EDA: variants seen among roughly 807,000 people sequenced by gnomAD.
The protein encoded by EDA is ectodysplasin-A.
Under a neutral mutation model 23.6 loss-of-function variants are expected in EDA, and 2 were observed. The observed-to-expected ratio is 0.08, with a 90% CI of 0.03 to 0.27. The LOEUF (loss-of-function observed/expected upper bound fraction) is 0.27, where lower values mean the gene tolerates loss of function less well. EDA is among the 10% of genes least tolerant of loss of function. The pLI, the probability that EDA is intolerant of heterozygous loss-of-function variation, is 1.00. For synonymous variants in EDA, 131 were observed against 132.0 expected (o/e 0.99, Z 0.05); for missense variants, 229 against 324.2 (o/e 0.71, Z 2.26).
At chrX:69,828,697 T>C (rs2016529726) in intron 1 of EDA, among the ~76,000 whole-genome samples, 1 of 112,456 alleles carries the variant, frequency 8.9e-6, no homozygotes, top group African/African-American at 3.2e-5. Flanking sequence ...AGACCGGAGC[T>C]GTTCCTATTC....
At chrX:69,895,191 T>C (rs1270764554) in intron 1 of EDA, among the ~76,000 whole-genome samples, 1 of 111,618 alleles carries the variant, frequency 9.0e-6, no homozygotes, top group South Asian at 3.7e-4. Flanking sequence ...TTTAGTTCTG[T>C]TTATGTGATG....
intron 1 of EDA, among the ~76,000 whole-genome samples, chrX:69,806,927 A>G (rs1365415491): frequency 9.0e-6 from 1 of 111,309 alleles, no homozygotes; most frequent in Non-Finnish European, 1.9e-5. Flanking sequence ...AAACTATGCC[A>G]GGGCTCATAG....
chrX:70,035,285 A>G lies in EDA; in HGVS notation c.925-73A>G, dbSNP rs1055471955. 7.1e-6 allele frequency: 8 copies of G among 1,119,828 alleles called. No individual in the cohort carries two copies. In the African/African-American group the frequency reaches 7.3e-5, roughly 10 times the overall value. The allele number at this position is 1,119,828 out of a possible 1,213,427, so 92.3% of individuals were successfully genotyped here. On this transcript the variant is annotated intron_variant, in intron 7 of 7. Coordinates refer to ENST00000374552, the MANE Select transcript of EDA (RefSeq NM_001399.5). Reference sequence around the variant, plus strand: ...CAGCTCATCTGAGAAGATTCTGTCAATTCACCACAGGGAGGGCCCCCCACC... The same window carrying G: ...CAGCTCATCTGAGAAGATTCTGTCAGTTCACCACAGGGAGGGCCCCCCACC...
intron 1 of EDA, among the ~76,000 whole-genome samples, chrX:69,788,843 T>C (rs1424305828): frequency 8.8e-6 from 1 of 113,238 alleles, no homozygotes; most frequent in Non-Finnish European, 1.9e-5. Flanking sequence ...CCCAGCTGCT[T>C]TGTTTACCTA....
chrX:69,952,148 C>T (rs939702606), intron 1 of EDA, among the ~76,000 whole-genome samples: 3 of 112,111 alleles, frequency 2.7e-5, no homozygotes, highest in Non-Finnish European at 5.6e-5. Flanking sequence ...TGAATAGGGA[C>T]TCTCTCATTT....
At chrX:69,672,434 C>G (rs1933929886) in intron 1 of EDA, 1 of 111,639 alleles carries the variant, frequency 9.0e-6, no homozygotes, top group South Asian at 3.8e-4. Context: ...GAATAGTGCT[C>G]TGGAGGATTG....
intron 1 of EDA, among the ~76,000 whole-genome samples, chrX:69,699,381 C>T (rs1215857775): frequency 1.8e-5 from 2 of 110,640 alleles, no homozygotes; most frequent in Non-Finnish European, 3.8e-5. Flanking sequence ...AGAGCATGGC[C>T]GAGTTTAGAT....
chrX:69,918,013 C>T (rs1182232840), intron 1 of EDA, among the ~76,000 whole-genome samples: 1 of 110,871 alleles, frequency 9.0e-6, no homozygotes. Context: ...AGAATATCAG[C>T]AGGAAAGAAA....
At chrX:69,902,511 C>G (rs928841082) in intron 1 of EDA, among the ~76,000 whole-genome samples, 1 of 111,364 alleles carries the variant, frequency 9.0e-6, no homozygotes, top group African/African-American at 3.3e-5. Context: ...GGGGAACAGT[C>G]TGTAATGAAA....
chrX:69,866,093 G>A (rs1277328689), intron 1 of EDA, among the ~76,000 whole-genome samples: 3 of 111,508 alleles, frequency 2.7e-5, no homozygotes, highest in South Asian at 3.8e-4. Context: ...TGCCTTCAGC[G>A]AGCACCTCAG....
chrX:69,958,372 G>A (rs753000654), intron 2 of EDA, among the ~76,000 whole-genome samples: 1 of 111,417 alleles, frequency 9.0e-6, no homozygotes, highest in Non-Finnish European at 1.9e-5. Context: ...ATTTGTTGAT[G>A]TGAGTAAGGG....
At chrX:69,742,536 G>GA (rs1344066314) in intron 1 of EDA, among the ~76,000 whole-genome samples, 2 of 112,211 alleles carry the variant, frequency 1.8e-5, no homozygotes, top group African/African-American at 6.5e-5. Context: ...AGTTTCCAAA[G>GA]ACTTTTAGCA....
At chrX:69,907,917 A>G (rs992157809) in intron 1 of EDA, among the ~76,000 whole-genome samples, 1 of 111,571 alleles carries the variant, frequency 9.0e-6, no homozygotes, top group Non-Finnish European at 1.9e-5. Context: ...AACTAGATCT[A>G]TGAGAAAGAA....
At position 69,753,265 on chromosome X, in the gene EDA, T is replaced by C. The variant is rs773471645; in HGVS notation, c.396+136561T>C. ...TGCTTTAAATGTGTCCCAGAGATTC[T>C]GGTATGTTGTGTCTTTGTTCGCATT... On this transcript the variant is annotated intron_variant, in intron 1 of 7. Transcript: ENST00000374552. 3.6e-5 allele frequency among the ~76,000 whole-genome samples: 4 copies of C among 112,101 alleles called. No homozygotes were observed. In the South Asian group the frequency reaches 1.5e-3, roughly 42 times the overall value.
intron 2 of EDA, among the ~76,000 whole-genome samples, chrX:69,961,061 G>A (rs1438576525): frequency 1.8e-5 from 2 of 110,448 alleles, no homozygotes; most frequent in Non-Finnish European, 3.8e-5. Flanking sequence ...GAAAAAGAAA[G>A]TCTAGACCCT....
intron 1 of EDA, among the ~76,000 whole-genome samples, chrX:69,627,379 G>T (rs1212728388): frequency 9.0e-6 from 1 of 110,753 alleles, no homozygotes; most frequent in Non-Finnish European, 1.9e-5. Flanking sequence ...ATCCTACTTA[G>T]AATTTTTTTC....
intron 1 of EDA, among the ~76,000 whole-genome samples, chrX:69,778,508 G>A (rs1200710822): frequency 9.0e-6 from 1 of 111,711 alleles, no homozygotes; most frequent in Non-Finnish European, 1.9e-5. Flanking sequence ...CCTTTTGGGT[G>A]CCCCTTCATT....
chrX:69,657,339 GTTTTC>G lies in EDA; in HGVS notation c.396+40643_396+40647del, dbSNP rs1933350804. Among the ~76,000 whole-genome samples the G allele has an allele frequency of 5.4e-5, 6 of 111,734 alleles. No homozygotes were observed. The South Asian group carries it at 1.1e-3, about 21-fold the overall frequency. ...TGCCCACTTTTTAATGGAGTTACTTGTTTTCTTTTCTTAAATTCCTTATGGATTCT... is the reference window on the plus strand; with the variant it reads ...TGCCCACTTTTTAATGGAGTTACTTGTTTTCTTAAATTCCTTATGGATTCT... On this transcript the variant is annotated intron_variant, in intron 1 of 7. Coordinates refer to ENST00000374552, the MANE Select transcript of EDA (RefSeq NM_001399.5).
chrX:70,029,677 G>T, intron 5 of EDA, 139 bp downstream of exon 5: 1 of 649,182 alleles, frequency 1.5e-6, no homozygotes. Context: ...TTCACTCACA[G>T]CCCCCTCCCA....
Sources: gnomAD v4.1 joint callset for allele counts (sites outside exome capture counted in the v4.1 genomes callset) on GRCh38, gnomAD v4.1.1 for gene constraint, MANE v1.5 for transcripts, NCBI Gene and HGNC (gene_info 2026-07-23, HGNC 2026-07-21) for gene names.